RAB3B: variants seen among roughly 807,000 people sequenced by gnomAD.
The protein encoded by RAB3B is ras-related protein Rab-3B.
In RAB3B, 11 loss-of-function variants were observed where a neutral mutation model predicts 20.5. The ratio of observed to expected loss-of-function variants is 0.54; its 90% CI spans 0.34 to 0.89. The LOEUF is 0.89. Ranked by LOEUF, RAB3B falls within the 40% of genes least tolerant of loss-of-function variation. The pLI, the probability that RAB3B is intolerant of heterozygous loss-of-function variation, is 0.02. For missense variants in RAB3B, 225 were observed against 280.9 expected, an observed-to-expected ratio of 0.80 and a Z score of 1.42; for synonymous variants, 99 against 106.3, an observed-to-expected ratio of 0.93 and a Z score of 0.42.
At chr1:51,932,815 A>C (rs1207920037) in intron 4 of RAB3B, among the ~76,000 whole-genome samples, 1 of 152,164 alleles carries the variant, frequency 6.6e-6, no homozygotes, top group Admixed American at 6.5e-5. Context: ...TAAACCATGT[A>C]GCTGATTATG....
intron 1 of RAB3B, among the ~76,000 whole-genome samples, chr1:51,981,691 C>T (rs943071581): frequency 2.6e-5 from 4 of 151,972 alleles, no homozygotes; most frequent in Admixed American, 6.6e-5. Flanking sequence ...ACATTTCAGT[C>T]AATGACAGAC....
intron 4 of RAB3B, among the ~76,000 whole-genome samples, 154 bp downstream of exon 4, chr1:51,933,164 C>T (rs1440811528): frequency 6.6e-6 from 1 of 152,040 alleles, no homozygotes; most frequent in Non-Finnish European, 1.5e-5. Context: ...GTACCTCATA[C>T]AAATATAAAA....
intron 2 of RAB3B, among the ~76,000 whole-genome samples, chr1:51,956,785 C>T (rs556462894): frequency 5.3e-5 from 8 of 152,328 alleles, no homozygotes; most frequent in African/African-American, 7.2e-5. Flanking sequence ...TTTGTTTAGA[C>T]GGGCTGTGCC....
chr1:51,965,326 A>T (rs568246598), intron 2 of RAB3B, among the ~76,000 whole-genome samples: 2 of 152,316 alleles, frequency 1.3e-5, no homozygotes, highest in African/African-American at 4.8e-5. Context: ...CTGTAAATAT[A>T]CTAAAAATCA....
At chr1:51,935,784 T>G (rs1052088513) in intron 3 of RAB3B, among the ~76,000 whole-genome samples, 6 of 141,732 alleles carry the variant, frequency 4.2e-5, no homozygotes, top group South Asian at 2.3e-4. Context: ...GTGGAGAGAG[T>G]AAAGGGAAGG....
At chr1:51,960,126 G>A (rs141024530) in intron 2 of RAB3B, among the ~76,000 whole-genome samples, 55 of 152,324 alleles carry the variant, frequency 3.6e-4, no homozygotes, top group African/African-American at 1.3e-3. Flanking sequence ...GTCCAAGGGG[G>A]AGAACAGGAA....
At chr1:51,959,574 A>T (rs1684758801) in intron 2 of RAB3B, among the ~76,000 whole-genome samples, 1 of 152,162 alleles carries the variant, frequency 6.6e-6, no homozygotes, top group Non-Finnish European at 1.5e-5. Context: ...AGAGGAGGAA[A>T]CAACCTGGGC....
intron 2 of RAB3B, among the ~76,000 whole-genome samples, chr1:51,968,000 C>T (rs1684879774): frequency 6.6e-6 from 1 of 152,092 alleles, no homozygotes; most frequent in Non-Finnish European, 1.5e-5. Context: ...CCATTATAAT[C>T]ACAAGTGTTT....
rs1450135769 is a variant in RAB3B, at chr1:51,910,860, C to G, written c.*9067G>C. 1 of 152,216 alleles carries G rather than the reference C, an allele frequency of 6.6e-6. No homozygotes were observed. Among genetic ancestry groups the G allele is most frequent in the Non-Finnish European group, 1.5e-5 (1 of 68,046 alleles). 9.4% of individuals were successfully genotyped at this position (152,216 alleles called of 1,614,324 possible). On this transcript the variant is annotated 3_prime_UTR_variant, in exon 5 of 5. Coordinates refer to ENST00000371655, the MANE Select transcript of RAB3B (RefSeq NM_002867.4). ...AAAGGAGACAGGAATCCTAATCCTA[C>G]TGCTCAGGGACTTGCTGATTTACTT...
intron 1 of RAB3B, among the ~76,000 whole-genome samples, chr1:51,989,230 G>GTT (rs1685191639): frequency 6.7e-6 from 1 of 149,578 alleles, no homozygotes; most frequent in African/African-American, 2.5e-5. Flanking sequence ...GTGTGTGTGT[G>GTT]TGTGTGTGTG....
intron 2 of RAB3B, among the ~76,000 whole-genome samples, chr1:51,974,746 T>C (rs1447795932): frequency 6.6e-6 from 1 of 152,222 alleles, no homozygotes; most frequent in African/African-American, 2.4e-5. Context: ...CTGAGTTTCT[T>C]ATCCTGCAAA....
intron 2 of RAB3B, among the ~76,000 whole-genome samples, chr1:51,954,492 T>C (rs1684680271): frequency 6.6e-6 from 1 of 152,132 alleles, no homozygotes; most frequent in Non-Finnish European, 1.5e-5. Flanking sequence ...AAAAACTAAA[T>C]CCTTAGTAAG....
intron 2 of RAB3B, among the ~76,000 whole-genome samples, chr1:51,962,331 A>C (rs554604597): frequency 6.6e-6 from 1 of 152,318 alleles, no homozygotes; most frequent in East Asian, 1.9e-4. Flanking sequence ...TTACAGGTGA[A>C]GGTCTAAATG....
At chr1:51,978,813 G>A (rs1685044765) in intron 1 of RAB3B, among the ~76,000 whole-genome samples, 1 of 152,178 alleles carries the variant, frequency 6.6e-6, no homozygotes, top group African/African-American at 2.4e-5. Context: ...GCAAAGAAAG[G>A]GCATGAGGCT....
chr1:51,937,067 G>A (rs1684414609), intron 3 of RAB3B, among the ~76,000 whole-genome samples: 2 of 152,106 alleles, frequency 1.3e-5, no homozygotes, highest in Non-Finnish European at 2.9e-5. Context: ...GGCTGCCTCG[G>A]CCTCCCAAAG....
chr1:51,980,554 C>G lies in RAB3B; in HGVS notation c.1-3437G>C, dbSNP rs555289429. On this transcript the variant is annotated intron_variant, in intron 1 of 4. Transcript: ENST00000371655. ...GCCTATTCACTGGATGAACTGTGCC[C>G]AATGTGTGCCCAAGGACAAGGCCAT... 2.1e-4 allele frequency: 161 copies of G among 749,312 alleles called. 3 individuals carry two copies. The highest frequency in any genetic ancestry group is 2.1e-3 in the South Asian group (155 of 74,386). The allele number at this position is 749,312 out of a possible 1,614,324, so 46.4% of individuals were successfully genotyped here. A position where few individuals can be genotyped will look rare whatever the true frequency, so the allele number is the denominator to read the frequency against.
rs1684137565 is a variant in RAB3B, at chr1:51,919,446, A to G, written c.*481T>C. On this transcript the variant is annotated 3_prime_UTR_variant, in exon 5 of 5. Coordinates refer to ENST00000371655, the MANE Select transcript of RAB3B (RefSeq NM_002867.4). ...GCAGGGCTTTGAGAGCCCAAGCTTG[A>G]CTTGTAGTGAGAGAAAGCCCCGCAG... is the stretch of plus-strand genomic sequence containing the variant. 6.5e-6 allele frequency: 1 copy of G among 152,984 alleles called. No individual in the cohort carries two copies. The highest frequency in any genetic ancestry group is 1.5e-5 in the Non-Finnish European group (1 of 68,576). The allele number at this position is 152,984 out of a possible 1,614,324, so 9.5% of individuals were successfully genotyped here.
At chr1:51,942,554 T>C (rs1366884455) in intron 2 of RAB3B, among the ~76,000 whole-genome samples, 1 of 152,214 alleles carries the variant, frequency 6.6e-6, no homozygotes, top group South Asian at 2.1e-4. Flanking sequence ...TTACTCACTA[T>C]GTGACTATAG....
In RAB3B at chr1:51,910,506, C is replaced by G. The variant is rs757155938; in HGVS notation, c.*9421G>C. On this transcript the variant is annotated 3_prime_UTR_variant, in exon 5 of 5. Transcript: ENST00000371655. ...TAGTCAGGCATGGACCATCCAAACA[C>G]AAATTGCTAAGATGCTTTCTGGCAG... 1 of 152,162 alleles carries G rather than the reference C, an allele frequency of 6.6e-6. No individual in the cohort carries two copies. Among genetic ancestry groups the G allele is most frequent in the Non-Finnish European group, 1.5e-5 (1 of 68,044 alleles). 9.4% of individuals were successfully genotyped at this position (152,162 alleles called of 1,614,324 possible).
Sources: gnomAD v4.1 joint callset for allele counts (sites outside exome capture counted in the v4.1 genomes callset) on GRCh38, gnomAD v4.1.1 for gene constraint, MANE v1.5 for transcripts, NCBI Gene and HGNC (gene_info 2026-07-23, HGNC 2026-07-21) for gene names.